Variants in ZIM2 observed in about 807,000 individuals in gnomAD.
The protein encoded by ZIM2 is zinc finger protein 656.
In ZIM2, 14 loss-of-function variants were observed where a neutral mutation model predicts 38.6. The observed-to-expected ratio is 0.36, with a 90% CI of 0.24 to 0.57. The LOEUF is 0.57. ZIM2 is among the 20% of genes least tolerant of loss of function. The pLI is 0.81. For synonymous variants in ZIM2, 247 were observed against 245.8 expected (o/e 1.00, Z -0.04); for missense variants, 680 against 695.1 (o/e 0.98, Z 0.24).
At chr19:56,836,528 T>A (rs552613996) in intron 1 of ZIM2, among the ~76,000 whole-genome samples, 1 of 152,202 alleles carries the variant, frequency 6.6e-6, no homozygotes, top group Non-Finnish European at 1.5e-5. Context: ...AGTGGACTAA[T>A]AGGACATAGT....
intron 1 of ZIM2, among the ~76,000 whole-genome samples, chr19:56,837,714 C>A (rs1393786011): frequency 2.0e-5 from 3 of 152,226 alleles, no homozygotes; most frequent in Non-Finnish European, 2.9e-5. Flanking sequence ...GCAAAGATGG[C>A]ACAGAATGAA....
At position 56,823,651 on chromosome 19, in the gene ZIM2, G is replaced by A. The variant is rs755423178; in HGVS notation, c.45C>T (p.Asp15=). 56 of 1,613,928 alleles carry A rather than the reference G, an allele frequency of 3.5e-5. No homozygotes were observed. Among genetic ancestry groups the A allele is most frequent in the South Asian group, 4.4e-5 (4 of 91,078 alleles). ...CTCTTCTGTTCCGGGTCATGTCGTC[G>A]TCGCTGGTCACGTCACTGTTGTTGT... ...EDDNNSDVTS[D]DDMTRNRRES... Residue 15 remains aspartate, a synonymous_variant, in exon 5 of 13, where the codon GAC becomes GAT. Transcript: ENST00000629319.
intron 2 of ZIM2, among the ~76,000 whole-genome samples, chr19:56,829,460 T>C (rs763360580): frequency 3.8e-4 from 58 of 152,312 alleles, no homozygotes; most frequent in Non-Finnish European, 6.8e-4. Context: ...GTAACACATT[T>C]TACACATGGA....
chr19:56,816,283 T>C, intron 9 of ZIM2: 1 of 1,614,004 alleles, frequency 6.2e-7, no homozygotes, highest in Non-Finnish European at 8.5e-7. Flanking sequence ...AATGACAGAT[T>C]TCTCATACCC....
intron 9 of ZIM2, chr19:56,812,239 G>A (rs3143): frequency 0.53 from 517,440 of 976,710 alleles, 138,307 homozygotes; most frequent in South Asian, 0.62. Context: ...CCACAGAATA[G>A]GACACAAGAA....
At chr19:56,829,166 C>G (rs1049753086) in intron 2 of ZIM2, among the ~76,000 whole-genome samples, 1 of 152,126 alleles carries the variant, frequency 6.6e-6, no homozygotes, top group Non-Finnish European at 1.5e-5. Context: ...GCCTGGCCAA[C>G]GTGGTGAAAC....
chr19:56,813,095 A>G, intron 9 of ZIM2: 2 of 985,110 alleles, frequency 2.0e-6, no homozygotes, highest in Non-Finnish European at 2.4e-6. Context: ...GAAACAAAAC[A>G]ATTACTCAAA....
chr19:56,813,804 G>T, intron 9 of ZIM2: 1 of 1,614,124 alleles, frequency 6.2e-7, no homozygotes, highest in Non-Finnish European at 8.5e-7. Flanking sequence ...TGGCACGTTC[G>T]ATGTAGCCTG....
rs1385065401 is a variant in ZIM2, at chr19:56,824,322, C to T, written c.-45G>A. 6.2e-7 allele frequency: 1 copy of T among 1,614,000 alleles called. No individual in the cohort carries two copies. The highest frequency in any genetic ancestry group is 1.3e-5 in the African/African-American group (1 of 74,892). On this transcript the variant is annotated 5_prime_UTR_variant, in exon 4 of 13. Transcript: ENST00000629319. ...AGAGTGACGAGCTTCTCACAGTTCT[C>T]CGGCTTTTTTGCTCGCACCCAAGGC...
chr19:56,817,089 T>G (rs756006110), intron 9 of ZIM2: 1 of 1,614,106 alleles, frequency 6.2e-7, no homozygotes, highest in Non-Finnish European at 8.5e-7. Flanking sequence ...CACATACATA[T>G]GGCATTGCCC....
chr19:56,826,243 G>A (rs1259900197), intron 3 of ZIM2, 145 bp downstream of exon 3: 1 of 152,256 alleles, frequency 6.6e-6, no homozygotes, highest in Non-Finnish European at 1.5e-5. Context: ...GGCAAGAGCA[G>A]AGGTCTGTGC....
At position 56,779,435 on chromosome 19, in the gene ZIM2, C is replaced by T. The variant is rs140549939; in HGVS notation, c.777G>A (p.Leu259=). 5,332 of 1,613,940 alleles carry T rather than the reference C, an allele frequency of 3.3e-3. 26 individuals carry two copies. Among genetic ancestry groups the T allele is most frequent in the Non-Finnish European group, 3.2e-3 (3,736 of 1,179,900 alleles). The stretch of plus-strand genomic sequence containing the variant: ...CCATTGCATATGATTCCTCCTCTTC[C>T]AGGCGTGAGATAATGTCAGGTTTAG... The part of the protein sequence containing the change: ...QFSKPDIISR[L]EEEESYAMET... The change falls in exon 12 of 13, where the codon CTG becomes CTA. Residue 259 remains leucine, a synonymous_variant. Transcript: ENST00000629319.
intron 12 of ZIM2, among the ~76,000 whole-genome samples, chr19:56,776,808 C>T (rs971937851): frequency 1.3e-5 from 2 of 152,084 alleles, no homozygotes; most frequent in African/African-American, 4.8e-5. Context: ...GAGGGGACAG[C>T]ATTTGGCGTC....
At chr19:56,834,753 G>C (rs2061915008) in intron 2 of ZIM2, among the ~76,000 whole-genome samples, 1 of 152,132 alleles carries the variant, frequency 6.6e-6, no homozygotes, top group Non-Finnish European at 1.5e-5. Flanking sequence ...ACCTGGTCAT[G>C]TCAGCTTCTC....
chr19:56,822,940 C>A, intron 5 of ZIM2, 104 bp from the exon 6 acceptor site: 1 of 1,462,674 alleles, frequency 6.8e-7, no homozygotes, highest in Non-Finnish European at 9.3e-7. Context: ...ACCCTCTTCC[C>A]ACAAGGAGAT....
At position 56,791,952 on chromosome 19, in the gene ZIM2, A is replaced by G. The variant is rs553148063; in HGVS notation, c.491-2001T>C. ...TAATCATTCTTGTTCTTGAATAGAA[A>G]GACTAAATAATGTAAAGACCAATTT... On this transcript the variant is annotated intron_variant, in intron 9 of 12. Coordinates refer to ENST00000629319, the MANE Select transcript of ZIM2 (RefSeq NM_001387356.1). 1.3e-3 allele frequency among the ~76,000 whole-genome samples: 198 copies of G among 152,222 alleles called. 2 individuals carry two copies. The highest frequency in any genetic ancestry group is 2.4e-3 in the Admixed American group (37 of 15,288).
At position 56,779,449 on chromosome 19, in the gene ZIM2, T is replaced by C. The variant is rs758122979; in HGVS notation, c.763A>G (p.Ile255Val). Residue 255 changes from isoleucine (I) to valine (V), a missense_variant, in exon 12 of 13, where the codon ATT (isoleucine) becomes GTT (valine). Physicochemically the swap from Ile to Val is conservative, Grantham distance 29. Coordinates refer to ENST00000629319, the MANE Select transcript of ZIM2 (RefSeq NM_001387356.1). ...SLGHQFSKPD[I>V]ISRLEEEESY... ...TCCTCCTCTTCCAGGCGTGAGATAA[T>C]GTCAGGTTTAGAGAACTGGTGCCCT... 1.2e-6 allele frequency: 2 copies of C among 1,613,922 alleles called. No homozygotes were observed. The highest frequency in any genetic ancestry group is 1.1e-5 in the South Asian group (1 of 91,082).
intron 9 of ZIM2, among the ~76,000 whole-genome samples, chr19:56,803,467 C>G (rs1284412213): frequency 2.6e-5 from 4 of 152,202 alleles, no homozygotes; most frequent in Non-Finnish European, 5.9e-5. Flanking sequence ...CCAGGATGCT[C>G]TTCACAGAAA....
At chr19:56,812,027 C>G in intron 9 of ZIM2, 1 of 984,560 alleles carries the variant, frequency 1.0e-6, no homozygotes, top group Non-Finnish European at 1.2e-6. Context: ...TCCTGCAGAT[C>G]CAGAAGAGTA....
Sources: allele counts gnomAD v4.1 joint callset (sites outside exome capture counted in the v4.1 genomes callset), GRCh38; gene constraint gnomAD v4.1.1; transcripts MANE v1.5; gene names NCBI Gene and HGNC (gene_info 2026-07-23, HGNC 2026-07-21).